MOB3B: variants seen among roughly 807,000 people sequenced by gnomAD.
MOB3B encodes the protein MOB kinase activator-like 2B.
Under a neutral mutation model 18.7 loss-of-function variants are expected in MOB3B, and 7 were observed. That is an observed-to-expected ratio of 0.37 (90% confidence interval 0.21 to 0.70). MOB3B has a LOEUF of 0.70. Ranked by LOEUF, MOB3B falls within the 30% of genes least tolerant of loss-of-function variation. The pLI, the probability that MOB3B is intolerant of heterozygous loss-of-function variation, is 0.52. For synonymous variants in MOB3B, 111 were observed against 99.9 expected, an observed-to-expected ratio of 1.11 and a Z score of -0.66; for missense variants, 253 against 281.3, an observed-to-expected ratio of 0.90 and a Z score of 0.72.
chr9:27,468,428 C>T (rs1819418267), intron 1 of MOB3B, among the ~76,000 whole-genome samples: 2 of 152,206 alleles, frequency 1.3e-5, no homozygotes, highest in South Asian at 4.1e-4. Context: ...TGCCCAGCCT[C>T]GATTTCCTCA....
chr9:27,524,718 T>A lies in MOB3B; in HGVS notation c.-199+4837A>T, dbSNP rs778802978. ...TCAGCAAGCAGAGTACCTGAACCAATGCTTGGAGGAAGACAAGAATGAAAA... is the reference window on the plus strand; with the variant it reads ...TCAGCAAGCAGAGTACCTGAACCAAAGCTTGGAGGAAGACAAGAATGAAAA... On this transcript the variant is annotated intron_variant, in intron 1 of 3. Coordinates refer to ENST00000262244, the MANE Select transcript of MOB3B (RefSeq NM_024761.5). 5 of 1,613,778 alleles carry A rather than the reference T, an allele frequency of 3.1e-6. No individual in the cohort carries two copies. The African/African-American group carries it at 6.7e-5, about 22-fold the overall frequency.
chr9:27,433,228 A>G (rs1822443502), intron 2 of MOB3B, among the ~76,000 whole-genome samples: 1 of 151,948 alleles, frequency 6.6e-6, no homozygotes, highest in Non-Finnish European at 1.5e-5. Flanking sequence ...TTTTTTATAT[A>G]TGTATGTTTT....
intron 1 of MOB3B, chr9:27,524,487 A>G: frequency 6.2e-7 from 1 of 1,614,114 alleles, no homozygotes; most frequent in Non-Finnish European, 8.5e-7. Context: ...TCTGAGTAGT[A>G]TGAGCAATTC....
At chr9:27,423,616 C>G (rs1822288183) in intron 2 of MOB3B, among the ~76,000 whole-genome samples, 1 of 152,124 alleles carries the variant, frequency 6.6e-6, no homozygotes, top group African/African-American at 2.4e-5. Flanking sequence ...CTTTAGAAAG[C>G]CTAACACTTG....
intron 1 of MOB3B, chr9:27,524,935 T>G (rs764002887): frequency 1.2e-6 from 2 of 1,604,984 alleles, no homozygotes; most frequent in South Asian, 1.1e-5. Flanking sequence ...TTTTACAAAT[T>G]TACAGCTCTA....
At chr9:27,414,400 A>G (rs757123416) in intron 2 of MOB3B, among the ~76,000 whole-genome samples, 7 of 152,172 alleles carry the variant, frequency 4.6e-5, no homozygotes, top group Non-Finnish European at 8.8e-5. Flanking sequence ...ACTGTTGCAG[A>G]TGTTTGCAGC....
intron 2 of MOB3B, among the ~76,000 whole-genome samples, chr9:27,442,790 C>T (rs1179230558): frequency 1.3e-5 from 2 of 152,174 alleles, no homozygotes; most frequent in Admixed American, 1.3e-4. Flanking sequence ...GCTAGTTCTC[C>T]ACGTTAGCTC....
intron 1 of MOB3B, among the ~76,000 whole-genome samples, chr9:27,496,165 G>A (rs1286744478): frequency 6.6e-6 from 1 of 152,176 alleles, no homozygotes; most frequent in Non-Finnish European, 1.5e-5. Context: ...TGTCACATCA[G>A]TGTCCATTTT....
intron 1 of MOB3B, chr9:27,524,949 A>G: frequency 6.3e-7 from 1 of 1,584,866 alleles, no homozygotes; most frequent in Non-Finnish European, 8.5e-7. Flanking sequence ...AGCTCTATTC[A>G]GGAGGAAATA....
In MOB3B at chr9:27,380,305, G is replaced by A. The variant is rs151086447; in HGVS notation, c.419-21069C>T. 9.4e-3 allele frequency among the ~76,000 whole-genome samples: 1,325 copies of A among 140,846 alleles called. 16 individuals carry two copies. The highest frequency in any genetic ancestry group is 0.015 in the Middle Eastern group (4 of 264). The allele number at this position is 140,846 out of a possible 152,430, so 92.4% of individuals were successfully genotyped here. ...TTTTTAGACAGAATCTCACTCTGTC[G>A]CCAGGCTGGAGTGCAGTGGCATGAT... On this transcript the variant is annotated intron_variant, in intron 2 of 3. Transcript: ENST00000262244.
chr9:27,522,490 C>A (rs1445724543), intron 1 of MOB3B, among the ~76,000 whole-genome samples: 1 of 149,400 alleles, frequency 6.7e-6, no homozygotes, highest in Non-Finnish European at 1.5e-5. Flanking sequence ...CCTCTATATG[C>A]AAATATAAGC....
intron 2 of MOB3B, among the ~76,000 whole-genome samples, chr9:27,404,192 A>G (rs1303792650): frequency 6.6e-6 from 1 of 150,938 alleles, no homozygotes; most frequent in Non-Finnish European, 1.5e-5. Flanking sequence ...AACATGTGCT[A>G]TTTATCTTTC....
At chr9:27,378,215 T>A (rs1587166954) in intron 2 of MOB3B, 1 of 374,166 alleles carries the variant, frequency 2.7e-6, no homozygotes, top group East Asian at 7.4e-5. Flanking sequence ...CTTTCTGACC[T>A]ACACAATGAG....
chr9:27,414,081 A>G (rs1354990023), intron 2 of MOB3B, among the ~76,000 whole-genome samples: 1 of 152,186 alleles, frequency 6.6e-6, no homozygotes, highest in Non-Finnish European at 1.5e-5. Flanking sequence ...TAGTTCAATA[A>G]ATCTGGATGG....
chr9:27,499,232 T>C (rs1162880087), intron 1 of MOB3B, among the ~76,000 whole-genome samples: 1 of 152,170 alleles, frequency 6.6e-6, no homozygotes, highest in African/African-American at 2.4e-5. Context: ...ATTTCTTTTA[T>C]GTATGAAGAG....
chr9:27,414,116 T>C (rs1250262164), intron 2 of MOB3B, among the ~76,000 whole-genome samples: 1 of 152,206 alleles, frequency 6.6e-6, no homozygotes, highest in East Asian at 1.9e-4. Context: ...ATACATGTGA[T>C]CTCTCTGACG....
At chr9:27,375,616 G>C (rs775869675) in intron 2 of MOB3B, among the ~76,000 whole-genome samples, 1 of 152,054 alleles carries the variant, frequency 6.6e-6, no homozygotes, top group Non-Finnish European at 1.5e-5. Context: ...GTGTGTACTC[G>C]CTAGAGGAGA....
chr9:27,520,066 G>C, intron 1 of MOB3B, among the ~76,000 whole-genome samples: 1 of 152,088 alleles, frequency 6.6e-6, no homozygotes, highest in East Asian at 1.9e-4. Flanking sequence ...TTCAAGAATT[G>C]AGTAATATGG....
At chr9:27,448,201 T>A (rs969424729) in intron 2 of MOB3B, among the ~76,000 whole-genome samples, 1 of 152,236 alleles carries the variant, frequency 6.6e-6, no homozygotes, top group Non-Finnish European at 1.5e-5. Flanking sequence ...CAGTTCTGCC[T>A]GTGTGACCCT....
Sources: allele counts gnomAD v4.1 joint callset (sites outside exome capture counted in the v4.1 genomes callset), GRCh38; gene constraint gnomAD v4.1.1; transcripts MANE v1.5; gene names NCBI Gene and HGNC (gene_info 2026-07-23, HGNC 2026-07-21).